The following REC114 variants were observed in gnomAD, a reference collection of about 807,000 sequenced individuals.
The protein encoded by REC114 is REC114 meiotic recombination protein, also known as meiotic recombination protein REC114.
REC114 carries 27 observed loss-of-function variants against 31.3 expected under a neutral mutation model. That is an observed-to-expected ratio of 0.86 (90% CI 0.64 to 1.19). The LOEUF (loss-of-function observed/expected upper bound fraction) is 1.19, where lower values mean the gene tolerates loss of function less well. Among genes scored for constraint, REC114 ranks in the 50% most tolerant of loss-of-function variants. The pLI, the probability that REC114 is intolerant of heterozygous loss-of-function variation, is 0.00. For missense variants in REC114, 344 were observed against 326.9 expected, an observed-to-expected ratio of 1.05 and a Z score of -0.40; for synonymous variants, 134 against 127.7, an observed-to-expected ratio of 1.05 and a Z score of -0.33.
chr15:73,462,790 CAGG>C (rs200507482), intron 1 of REC114, among the ~76,000 whole-genome samples: 1,549 of 148,616 alleles, frequency 0.01, 24 homozygotes, highest in African/African-American at 0.037. Flanking sequence ...GAGGCTGAGG[CAGG>C]AGAATGGCGT....
At chr15:73,496,935 T>A (rs1315032156) in intron 2 of REC114, among the ~76,000 whole-genome samples, 1 of 152,056 alleles carries the variant, frequency 6.6e-6, no homozygotes, top group African/African-American at 2.4e-5. Context: ...TTTATTTTTT[T>A]TTTTTTTTAA....
intron 2 of REC114, among the ~76,000 whole-genome samples, chr15:73,478,968 T>C (rs1192717503): frequency 6.6e-6 from 1 of 152,218 alleles, no homozygotes; most frequent in Non-Finnish European, 1.5e-5. Flanking sequence ...TTTAGGGTTT[T>C]CTACATACAT....
chr15:73,458,571 G>A (rs570851342), intron 1 of REC114, among the ~76,000 whole-genome samples: 19 of 152,286 alleles, frequency 1.2e-4, no homozygotes, highest in East Asian at 7.7e-4. Flanking sequence ...ATGATTTTCC[G>A]CATAAAAGTC....
At chr15:73,451,667 A>G (rs1273271372) in intron 1 of REC114, among the ~76,000 whole-genome samples, 3 of 152,226 alleles carry the variant, frequency 2.0e-5, no homozygotes, top group Admixed American at 6.5e-5. Context: ...AACCTGGCAG[A>G]GACACAACAA....
At chr15:73,556,188 T>G (rs1387940613) in intron 4 of REC114, 114 bp from the exon 5 acceptor site, 5 of 861,956 alleles carry the variant, frequency 5.8e-6, no homozygotes, top group African/African-American at 1.7e-5. Context: ...TTTTTATCAC[T>G]CTTAGTGGTA....
At chr15:73,467,892 CT>C (rs112871881) in intron 1 of REC114, among the ~76,000 whole-genome samples, 10,275 of 145,400 alleles carry the variant, frequency 0.071, 415 homozygotes, top group East Asian at 0.12. Context: ...GCTCAAGAAT[CT>C]TTTTTTTTTT....
intron 3 of REC114, among the ~76,000 whole-genome samples, chr15:73,546,958 T>C (rs1316331998): frequency 1.3e-5 from 2 of 151,868 alleles, no homozygotes; most frequent in African/African-American, 4.8e-5. Context: ...CTATGAAAAC[T>C]ACTACAAGAA....
At chr15:73,518,794 T>C (rs938584061) in intron 2 of REC114, among the ~76,000 whole-genome samples, 2 of 152,228 alleles carry the variant, frequency 1.3e-5, no homozygotes, top group Admixed American at 6.5e-5. Context: ...CAATATACTT[T>C]ATAGGTAATC....
intron 2 of REC114, among the ~76,000 whole-genome samples, chr15:73,484,556 A>T (rs569210077): frequency 1.3e-5 from 2 of 152,184 alleles, no homozygotes; most frequent in African/African-American, 4.8e-5. Context: ...CTTACATATC[A>T]TTGTAAACCT....
intron 2 of REC114, among the ~76,000 whole-genome samples, chr15:73,517,517 T>C (rs1197380223): frequency 6.6e-6 from 1 of 151,902 alleles, no homozygotes; most frequent in African/African-American, 2.4e-5. Context: ...GTTTTAGAAG[T>C]GAGGGGGGGA....
chr15:73,469,847 G>T (rs545209764), intron 1 of REC114, among the ~76,000 whole-genome samples: 1 of 152,070 alleles, frequency 6.6e-6, no homozygotes, highest in African/African-American at 2.4e-5. Context: ...ACCATGCCCG[G>T]CTAATTTTTT....
chr15:73,523,786 T>C (rs1377781599), intron 2 of REC114, among the ~76,000 whole-genome samples: 2 of 152,186 alleles, frequency 1.3e-5, no homozygotes, highest in Admixed American at 6.5e-5. Context: ...AAAGATTCTC[T>C]CCTATGTTTT....
In REC114 at chr15:73,490,410, A is replaced by G. The variant is rs148457640; in HGVS notation, c.249+16489A>G. 2.7e-3 allele frequency among the ~76,000 whole-genome samples: 408 copies of G among 152,176 alleles called. 2 individuals carry two copies. Among genetic ancestry groups the G allele is most frequent in the African/African-American group, 9.5e-3 (394 of 41,446 alleles). On this transcript the variant is annotated intron_variant, in intron 2 of 5. Transcript: ENST00000331090. Reference sequence around the variant, plus strand: ...AATGAGTTTTATTAGAGTACAATTTATATATAATAATAAAGTATCTGGGCG... The same window carrying G: ...AATGAGTTTTATTAGAGTACAATTTGTATATAATAATAAAGTATCTGGGCG...
chr15:73,522,719 A>G (rs1230530001), intron 2 of REC114, among the ~76,000 whole-genome samples: 1 of 152,218 alleles, frequency 6.6e-6, no homozygotes. Flanking sequence ...AGTTTTTATT[A>G]AGAATAAAAC....
intron 2 of REC114, among the ~76,000 whole-genome samples, chr15:73,481,438 C>G (rs946353823): frequency 6.6e-6 from 1 of 151,968 alleles, no homozygotes; most frequent in African/African-American, 2.4e-5. Context: ...CTAGACTGTT[C>G]TATTGTCATT....
At chr15:73,452,703 T>G (rs1462304069) in intron 1 of REC114, among the ~76,000 whole-genome samples, 1 of 152,214 alleles carries the variant, frequency 6.6e-6, no homozygotes, top group African/African-American at 2.4e-5. Context: ...AGAACAAAGC[T>G]GGAGGCATCA....
intron 2 of REC114, among the ~76,000 whole-genome samples, chr15:73,504,288 C>A (rs1189737661): frequency 6.6e-6 from 1 of 152,106 alleles, no homozygotes; most frequent in Non-Finnish European, 1.5e-5. Flanking sequence ...CAGGCGTGAG[C>A]CACTGCGCCC....
chr15:73,540,983 G>C (rs1894230557), intron 3 of REC114, among the ~76,000 whole-genome samples: 1 of 152,130 alleles, frequency 6.6e-6, no homozygotes, highest in Non-Finnish European at 1.5e-5. Context: ...GCTGTATTAA[G>C]TGTAAAGAAT....
chr15:73,459,211 TTAAA>T (rs1170180541), intron 1 of REC114, among the ~76,000 whole-genome samples: 4 of 151,996 alleles, frequency 2.6e-5, no homozygotes, highest in Admixed American at 2.6e-4. Context: ...GATGCGGTAA[TTAAA>T]TATACTTTTT....
Sources: allele counts gnomAD v4.1 joint callset (sites outside exome capture counted in the v4.1 genomes callset), GRCh38; gene constraint gnomAD v4.1.1; transcripts MANE v1.5; gene names NCBI Gene and HGNC (gene_info 2026-07-23, HGNC 2026-07-21).